The following COL25A1 variants were observed in gnomAD, a reference collection of about 807,000 sequenced individuals.
COL25A1 encodes the protein collagen type XXV alpha 1 chain, also known as collagen alpha-1(XXV) chain.
Under a neutral mutation model 128.4 loss-of-function variants are expected in COL25A1, and 103 were observed. That is an observed-to-expected ratio of 0.80 (90% confidence interval 0.68 to 0.94). COL25A1 has a LOEUF of 0.94. COL25A1 is among the 40% of genes least tolerant of loss of function. The probability of loss-of-function intolerance (pLI) is 0.00; values close to 1 mark genes in which losing one functional copy is unlikely to be tolerated. For synonymous variants in COL25A1, 279 were observed against 277.2 expected (o/e 1.01, Z -0.06); for missense variants, 745 against 840.0 (o/e 0.89, Z 1.40).
rs200469666 is a variant in COL25A1, at chr4:109,289,004, C to T, written c.367+11579G>A. On this transcript the variant is annotated intron_variant, in intron 3 of 37. Transcript: ENST00000399132. ...ACACACACACACACACACACACACA[C>T]ATATATATACAAAATTTTTTGCTTA... is the stretch of plus-strand genomic sequence containing the variant. 3.2e-4 allele frequency among the ~76,000 whole-genome samples: 34 copies of T among 106,948 alleles called. No homozygotes were observed. In the South Asian group the frequency reaches 3.4e-3, roughly 11 times the overall value. 70.2% of individuals were successfully genotyped at this position (106,948 alleles called of 152,430 possible). A position where few individuals can be genotyped will look rare whatever the true frequency, so the allele number is the denominator to read the frequency against.
At chr4:108,905,414 T>C (rs1463658817) in intron 13 of COL25A1, among the ~76,000 whole-genome samples, 2 of 151,990 alleles carry the variant, frequency 1.3e-5, no homozygotes, top group Non-Finnish European at 2.9e-5. Context: ...TTAAAAACTA[T>C]ATTATTAAAA....
intron 3 of COL25A1, among the ~76,000 whole-genome samples, chr4:109,052,579 G>T (rs1391407513): frequency 6.6e-6 from 1 of 152,162 alleles, no homozygotes; most frequent in Non-Finnish European, 1.5e-5. Context: ...GAAAACTGCA[G>T]GGAGCATTAT....
intron 3 of COL25A1, among the ~76,000 whole-genome samples, chr4:109,287,447 T>C (rs543470095): frequency 1.3e-5 from 2 of 152,208 alleles, no homozygotes; most frequent in African/African-American, 2.4e-5. Context: ...CAGAGTCGAC[T>C]GGCATTAGGT....
At chr4:109,012,655 GCACTGCTGGCCC>G (rs1322910508) in intron 5 of COL25A1, among the ~76,000 whole-genome samples, 1 of 152,094 alleles carries the variant, frequency 6.6e-6, no homozygotes. Flanking sequence ...AGGTCCCCCG[GCACTGCTGGCCC>G]GCCCGCACCA....
chr4:109,039,475 CACT>C (rs1759660837), intron 5 of COL25A1, among the ~76,000 whole-genome samples: 1 of 152,172 alleles, frequency 6.6e-6, no homozygotes, highest in African/African-American at 2.4e-5. Context: ...GGAAAATACA[CACT>C]ACTTCGATTT....
intron 31 of COL25A1, chr4:108,832,773 G>T (rs1440153508): frequency 1.2e-5 from 2 of 172,752 alleles, no homozygotes; most frequent in Non-Finnish European, 1.2e-5. Context: ...GAGGTGGGTG[G>T]ATCACCTGAG....
chr4:109,290,269 A>T (rs905239498), intron 3 of COL25A1, among the ~76,000 whole-genome samples: 11 of 152,136 alleles, frequency 7.2e-5, no homozygotes, highest in South Asian at 4.1e-4. Context: ...CCTTTTTTTT[A>T]AAATTCCAAA....
At chr4:108,829,428 TATCTATC>T (rs1372550486) in intron 32 of COL25A1, among the ~76,000 whole-genome samples, 2 of 138,974 alleles carry the variant, frequency 1.4e-5, no homozygotes, top group East Asian at 2.2e-4. Flanking sequence ...TCTATCTATC[TATCTATC>T]ATCTATCTAT....
chr4:109,021,053 C>T (rs748371857), intron 5 of COL25A1, among the ~76,000 whole-genome samples: 11 of 152,170 alleles, frequency 7.2e-5, no homozygotes, highest in African/African-American at 1.7e-4. Flanking sequence ...AGCCGCATGC[C>T]GCAGCTCCCA....
intron 3 of COL25A1, among the ~76,000 whole-genome samples, chr4:109,165,482 G>C (rs1449666703): frequency 6.6e-6 from 1 of 152,190 alleles, no homozygotes; most frequent in African/African-American, 2.4e-5. Context: ...TTGGGAGGCT[G>C]AGTCAGGAGG....
At chr4:109,283,267 A>T (rs1214715424) in intron 3 of COL25A1, among the ~76,000 whole-genome samples, 1 of 152,154 alleles carries the variant, frequency 6.6e-6, no homozygotes, top group Non-Finnish European at 1.5e-5. Flanking sequence ...CTCACTAAAG[A>T]AAAAGGGTCT....
At chr4:109,270,779 G>A (rs1261382237) in intron 3 of COL25A1, among the ~76,000 whole-genome samples, 1 of 152,126 alleles carries the variant, frequency 6.6e-6, no homozygotes, top group East Asian at 1.9e-4. Flanking sequence ...GTCAGGTCCT[G>A]TGTTAGGCAC....
intron 3 of COL25A1, among the ~76,000 whole-genome samples, chr4:109,104,511 G>A (rs1198010114): frequency 6.6e-6 from 1 of 152,044 alleles, no homozygotes; most frequent in African/African-American, 2.4e-5. Context: ...TAGACATGAT[G>A]TATCTCCTAA....
intron 3 of COL25A1, among the ~76,000 whole-genome samples, chr4:109,098,833 G>T (rs1405338363): frequency 6.6e-6 from 1 of 152,194 alleles, no homozygotes; most frequent in Non-Finnish European, 1.5e-5. Flanking sequence ...AACTTTGAAA[G>T]ATTAGACAAC....
intron 8 of COL25A1, among the ~76,000 whole-genome samples, chr4:108,951,433 T>C (rs1749419131): frequency 6.6e-6 from 1 of 151,522 alleles, no homozygotes; most frequent in African/African-American, 2.4e-5. Flanking sequence ...TCATGGAGGC[T>C]GGAGTGCAGT....
chr4:108,914,583 C>A (rs867297051), intron 13 of COL25A1, among the ~76,000 whole-genome samples: 1 of 149,014 alleles, frequency 6.7e-6, no homozygotes, highest in Non-Finnish European at 1.5e-5. Flanking sequence ...TATTCATTTT[C>A]TTTCTATGAG....
chr4:109,013,592 G>C (rs1236962068), intron 5 of COL25A1, among the ~76,000 whole-genome samples: 1 of 151,764 alleles, frequency 6.6e-6, no homozygotes, highest in African/African-American at 2.4e-5. Flanking sequence ...ACGAAGGTCT[G>C]CAGCTTCACT....
chr4:109,057,664 G>GT (rs1761577851), intron 3 of COL25A1, among the ~76,000 whole-genome samples: 1 of 151,818 alleles, frequency 6.6e-6, no homozygotes, highest in African/African-American at 2.4e-5. Context: ...CAGAACTGTG[G>GT]TAAATCTAAT....
intron 3 of COL25A1, among the ~76,000 whole-genome samples, chr4:109,119,521 A>T (rs973905440): frequency 6.6e-6 from 1 of 152,016 alleles, no homozygotes; most frequent in Non-Finnish European, 1.5e-5. Context: ...CATTACAAGG[A>T]TAACAAAAGA....
Sources: gnomAD v4.1 joint callset for allele counts (sites outside exome capture counted in the v4.1 genomes callset) on GRCh38, gnomAD v4.1.1 for gene constraint, MANE v1.5 for transcripts, NCBI Gene and HGNC (gene_info 2026-07-23, HGNC 2026-07-21) for gene names.